Variants in KIAA0319 observed in about 807,000 individuals in gnomAD.
The protein encoded by KIAA0319 is dyslexia-associated protein KIAA0319.
In KIAA0319, 83 loss-of-function variants were observed where a neutral mutation model predicts 108.4. That is an observed-to-expected ratio of 0.77 (90% CI 0.64 to 0.92). KIAA0319 has a LOEUF of 0.92. Among genes scored for constraint, KIAA0319 ranks in the 40% least tolerant of loss-of-function variants. The pLI is 0.00. For missense variants in KIAA0319, 1,195 were observed against 1,322.4 expected, an observed-to-expected ratio of 0.90 and a Z score of 1.49; for synonymous variants, 484 against 510.4, an observed-to-expected ratio of 0.95 and a Z score of 0.70.
At chr6:24,605,087 C>T (rs4712830) in intron 1 of KIAA0319, among the ~76,000 whole-genome samples, 26,936 of 152,228 alleles carry the variant, frequency 0.18, 2,455 homozygotes, top group East Asian at 0.23. Flanking sequence ...GTGATCCACC[C>T]GCCTTGGCCT....
chr6:24,588,356 A>G (rs913488838), intron 4 of KIAA0319, among the ~76,000 whole-genome samples: 1 of 152,072 alleles, frequency 6.6e-6, no homozygotes, highest in Non-Finnish European at 1.5e-5. Context: ...CACTTACCAT[A>G]TTGTATCAGA....
chr6:24,596,368 A>G lies in KIAA0319; in HGVS notation c.306T>C (p.Phe102=). Reference sequence around the variant, plus strand: ...CAGGCCTCTGAACAGGCCGGAGCACAAAAGTGAGATAAGACCTGATGGGGC... The same window carrying G: ...CAGGCCTCTGAACAGGCCGGAGCACGAAAGTGAGATAAGACCTGATGGGGC... ...KMGPIRSYLT[F]VLRPVQRPAQ... Residue 102 remains phenylalanine, a synonymous_variant, in exon 3 of 21, where the codon TTT becomes TTC. Coordinates refer to ENST00000378214, the MANE Select transcript of KIAA0319 (RefSeq NM_014809.4). The G allele has an allele frequency of 1.2e-6, 2 of 1,614,234 alleles. No homozygotes were observed. The highest frequency in any genetic ancestry group is 1.7e-6 in the Non-Finnish European group (2 of 1,180,036).
At chr6:24,608,974 G>A (rs1771877727) in intron 1 of KIAA0319, among the ~76,000 whole-genome samples, 1 of 139,618 alleles carries the variant, frequency 7.2e-6, no homozygotes, top group Non-Finnish European at 1.5e-5. Context: ...TCAAATCAGT[G>A]GAGAAGGCCA....
chr6:24,624,840 G>A (rs1774485390), intron 1 of KIAA0319, among the ~76,000 whole-genome samples: 1 of 152,212 alleles, frequency 6.6e-6, no homozygotes, highest in African/African-American at 2.4e-5. Context: ...TGTAATGTGG[G>A]CTGAACAATG....
intron 7 of KIAA0319, 43 bp from the exon 8 acceptor site, chr6:24,579,993 G>C: frequency 7.1e-7 from 1 of 1,403,586 alleles, no homozygotes; most frequent in Non-Finnish European, 9.9e-7. Flanking sequence ...ATCTTGTGTA[G>C]GCATATGTCA....
chr6:24,572,596 C>A lies in KIAA0319; in HGVS notation c.1837G>T (p.Val613Leu). The A allele has an allele frequency of 6.2e-7, 1 of 1,613,908 alleles. No individual in the cohort carries two copies. Among genetic ancestry groups the A allele is most frequent in the Non-Finnish European group, 8.5e-7 (1 of 1,179,922 alleles). The change falls in exon 11 of 21, where the codon GTG (valine) becomes TTG (leucine). Residue 613 changes from valine to leucine, a missense_variant. Transcript: ENST00000378214. ...CTACCAGGCTGGACAATCACAGTCA[C>A]CACAGCAGTAGACTGTTGCCTTGAA... ...DSSRQQSTAV[V>L]TVIVQPENNR...
chr6:24,599,815 T>G lies in KIAA0319; in HGVS notation c.55+1234A>C. The G allele has an allele frequency of 2.2e-6, 1 of 457,616 alleles. No individual in the cohort carries two copies. The highest frequency in any genetic ancestry group is 5.2e-5 in the East Asian group (1 of 19,262). The allele number at this position is 457,616 out of a possible 1,614,324, so 28.3% of individuals were successfully genotyped here. ...ATGGCCACAGCAGCCCCTCCCAGCC[T>G]ACCCCCTCCTGTGACTGCCCCAGAG... On this transcript the variant is annotated intron_variant, in intron 2 of 20. Transcript: ENST00000378214. The surrounding 1 kb of genome is among the most constrained non-coding windows in gnomAD (Gnocchi z 4.1).
At position 24,549,871 on chromosome 6, in the gene KIAA0319, TG is replaced by T. The variant is rs1042248440; in HGVS notation, c.3040+1562del. 9.3e-5 allele frequency among the ~76,000 whole-genome samples: 14 copies of T among 150,994 alleles called. 1 individual carries two copies. The highest frequency in any genetic ancestry group is 2.7e-4 in the African/African-American group (11 of 41,076). On this transcript the variant is annotated intron_variant, in intron 20 of 20. Transcript: ENST00000378214. ...GTCTAGCAAGTGCGGGTGTCTGGAG[TG>T]GGGGGCGGTGTGTGTGGAGCACCAG...
chr6:24,609,001 C>T (rs1262537867), intron 1 of KIAA0319, among the ~76,000 whole-genome samples: 1 of 147,108 alleles, frequency 6.8e-6, no homozygotes, highest in African/African-American at 2.5e-5. Context: ...GGGGCTCACG[C>T]CTGTGAGCCA....
At chr6:24,564,173 A>G (rs375729746) in intron 15 of KIAA0319, 29 bp downstream of exon 15, 1 of 1,613,804 alleles carries the variant, frequency 6.2e-7, no homozygotes, top group Non-Finnish European at 8.5e-7. Flanking sequence ...CAGAGCCTGC[A>G]TGGCCAGCTC....
intron 1 of KIAA0319, among the ~76,000 whole-genome samples, chr6:24,629,628 GCTAC>G (rs1775254194): frequency 6.6e-6 from 1 of 151,900 alleles, no homozygotes; most frequent in African/African-American, 2.4e-5. Context: ...TCTCATGGCT[GCTAC>G]CTTTTTTAAA....
In KIAA0319 at chr6:24,599,788, G is replaced by T; in HGVS notation, c.55+1261C>A. 1 of 485,730 alleles carries T rather than the reference G, an allele frequency of 2.1e-6. No individual in the cohort carries two copies. Among genetic ancestry groups the T allele is most frequent in the South Asian group, 1.8e-5 (1 of 56,588 alleles). 30.1% of individuals were successfully genotyped at this position (485,730 alleles called of 1,614,324 possible). A position where few individuals can be genotyped will look rare whatever the true frequency, so the allele number is the denominator to read the frequency against. On this transcript the variant is annotated intron_variant, in intron 2 of 20. Transcript: ENST00000378214. The surrounding 1 kb of genome is among the most constrained non-coding windows in gnomAD (Gnocchi z 4.1). ...GAGTCCTCTGATGTTCTGCCCAAGTGAATGGCCACAGCAGCCCCTCCCAGC... is the reference window on the plus strand; with the variant it reads ...GAGTCCTCTGATGTTCTGCCCAAGTTAATGGCCACAGCAGCCCCTCCCAGC...
At chr6:24,553,338 C>CAT (rs1761851873) in intron 19 of KIAA0319, among the ~76,000 whole-genome samples, 1 of 56,806 alleles carries the variant, frequency 1.8e-5, no homozygotes. Context: ...CACACACACG[C>CAT]ACATATATAT....
At chr6:24,636,965 C>G (rs928234853) in intron 1 of KIAA0319, among the ~76,000 whole-genome samples, 1 of 152,134 alleles carries the variant, frequency 6.6e-6, no homozygotes, top group Non-Finnish European at 1.5e-5. Flanking sequence ...TCCATGGGTA[C>G]CAAAACCAGA....
At chr6:24,632,152 T>C (rs980388825) in intron 1 of KIAA0319, among the ~76,000 whole-genome samples, 3 of 152,230 alleles carry the variant, frequency 2.0e-5, no homozygotes, top group Non-Finnish European at 4.4e-5. Context: ...AGGTAGAATA[T>C]TGTCAATTAA....
At chr6:24,601,897 G>A (rs1054878189) in intron 1 of KIAA0319, among the ~76,000 whole-genome samples, 3 of 152,156 alleles carry the variant, frequency 2.0e-5, no homozygotes, top group Non-Finnish European at 2.9e-5. Flanking sequence ...CTGGTTTCCC[G>A]GGCTGTGGAT....
intron 17 of KIAA0319, among the ~76,000 whole-genome samples, chr6:24,558,365 C>CTACATAGA (rs372256630): frequency 0.018 from 2,658 of 150,896 alleles, 66 homozygotes; most frequent in African/African-American, 0.053. Flanking sequence ...ATATATATAT[C>CTACATAGA]TAGATAGATA....
At chr6:24,638,331 C>T (rs897512193) in intron 1 of KIAA0319, among the ~76,000 whole-genome samples, 1 of 151,962 alleles carries the variant, frequency 6.6e-6, no homozygotes, top group Non-Finnish European at 1.5e-5. Context: ...CAAATGGGAG[C>T]AATATCTGTG....
At chr6:24,562,869 A>G (rs1763293354) in intron 16 of KIAA0319, among the ~76,000 whole-genome samples, 1 of 152,142 alleles carries the variant, frequency 6.6e-6, no homozygotes, top group Non-Finnish European at 1.5e-5. Context: ...AATAATAAAT[A>G]GATTAAATAA....
Sources: gnomAD v4.1 joint callset for allele counts (sites outside exome capture counted in the v4.1 genomes callset) on GRCh38, gnomAD v4.1.1 for gene constraint, Gnocchi (gnomAD v3.1) non-coding constraint, MANE v1.5 for transcripts, NCBI Gene and HGNC (gene_info 2026-07-23, HGNC 2026-07-21) for gene names.